The following BOD1L1 variants were observed in gnomAD, a reference collection of about 807,000 sequenced individuals.
The protein encoded by BOD1L1 is biorientation of chromosomes in cell division protein 1-like 1.
BOD1L1 carries 86 observed loss-of-function variants against 240.7 expected under a neutral mutation model. That is an observed-to-expected ratio of 0.36 (90% CI 0.30 to 0.43). The LOEUF is 0.43. BOD1L1 is among the 20% of genes least tolerant of loss of function. BOD1L1 has a pLI of 1.00. For synonymous variants in BOD1L1, 1,268 were observed against 1,272.3 expected, an observed-to-expected ratio of 1.00 and a Z score of 0.07; for missense variants, 3,554 against 3,643.5, an observed-to-expected ratio of 0.98 and a Z score of 0.63.
chr4:13,611,747 T>C (rs1011475423), intron 5 of BOD1L1, among the ~76,000 whole-genome samples: 1 of 152,220 alleles, frequency 6.6e-6, no homozygotes, highest in African/African-American at 2.4e-5. Context: ...ATTTATGCTT[T>C]ACCATTGTTA....
At position 13,591,947 on chromosome 4, in the gene BOD1L1, A is replaced by T; in HGVS notation, c.8124T>A (p.Pro2708=). The change falls in exon 13 of 26, where the codon CCT becomes CCA. Residue 2708 remains proline (P), a synonymous_variant. Coordinates refer to ENST00000040738, the MANE Select transcript of BOD1L1 (RefSeq NM_148894.3). Reference sequence around the variant, plus strand: ...CATTTAGTGATTCATTCACCAACAAAGGCTCCCTCTGGAGTTCAGCTGTTC... The same window carrying T: ...CATTTAGTGATTCATTCACCAACAATGGCTCCCTCTGGAGTTCAGCTGTTC... ...PSGIAELQRE[P]LLVNESLNVE... 1 of 1,565,166 alleles carries T rather than the reference A, an allele frequency of 6.4e-7. No homozygotes were observed. Among genetic ancestry groups the T allele is most frequent in the Admixed American group, 1.9e-5 (1 of 52,002 alleles).
At position 13,586,339 on chromosome 4, in the gene BOD1L1, G is replaced by A. The variant is rs79142665; in HGVS notation, c.8433+57C>T. 1,571 of 1,007,246 alleles carry A rather than the reference G, an allele frequency of 1.6e-3. 15 individuals carry two copies. The African/African-American group carries it at 0.023, about 15-fold the overall frequency. 62.4% of individuals were successfully genotyped at this position (1,007,246 alleles called of 1,614,324 possible). On this transcript the variant is annotated intron_variant, in intron 17 of 25. Transcript: ENST00000040738. ...TATTATACTAAGTATTTACAATGCT[G>A]TAATTAGGCCTCCCTACCCCCACCC...
chr4:13,607,403 A>G (rs1277753853), intron 8 of BOD1L1, among the ~76,000 whole-genome samples: 1 of 152,136 alleles, frequency 6.6e-6, no homozygotes, highest in South Asian at 2.1e-4. Context: ...AGTTCAAGTA[A>G]TTCTCCTGCC....
intron 2 of BOD1L1, among the ~76,000 whole-genome samples, chr4:13,619,676 A>AT (rs930932194): frequency 6.6e-6 from 1 of 152,172 alleles, no homozygotes; most frequent in Admixed American, 6.5e-5. Context: ...TTATATCTAG[A>AT]TTTTTTAGAA....
At chr4:13,619,700 T>C (rs2108995057) in intron 2 of BOD1L1, among the ~76,000 whole-genome samples, 1 of 152,322 alleles carries the variant, frequency 6.6e-6, no homozygotes, top group Non-Finnish European at 1.5e-5. Context: ...CATACTGTTA[T>C]TTCCTTCCTT....
Position 13,601,553 on chromosome 4 carries a change from C to A in BOD1L1, c.5347G>T (p.Asp1783Tyr). ...ASQEGDGSVN[D>Y]GTEGESAVTS... is the part of the protein sequence containing the mutation. ...ACTGCACTCTCACCTTCTGTACCATCATTCACAGAACCATCTCCTTCTTGG... is the reference window on the plus strand; with the variant it reads ...ACTGCACTCTCACCTTCTGTACCATAATTCACAGAACCATCTCCTTCTTGG... Residue 1783 changes from aspartate (D) to tyrosine (Y), a missense_variant, in exon 10 of 26, where the codon GAT (aspartate) becomes TAT (tyrosine). By Grantham distance (160) the Asp-to-Tyr change is radical. Transcript: ENST00000040738. 1 of 1,614,054 alleles carries A rather than the reference C, an allele frequency of 6.2e-7. No individual in the cohort carries two copies. The highest frequency in any genetic ancestry group is 1.6e-4 in the Middle Eastern group (1 of 6,062).
chr4:13,588,857 G>A lies in BOD1L1; in HGVS notation c.8210-65C>T, dbSNP rs1266359809. Reference sequence around the variant, plus strand: ...ATTTTTATATTCCAATACTTACTTAGGTATGTGTTAGGGGGCTGGGAGAAA... The same window carrying A: ...ATTTTTATATTCCAATACTTACTTAAGTATGTGTTAGGGGGCTGGGAGAAA... On this transcript the variant is annotated intron_variant, in intron 14 of 25. Coordinates refer to ENST00000040738, the MANE Select transcript of BOD1L1 (RefSeq NM_148894.3). 4.9e-6 allele frequency: 6 copies of A among 1,231,916 alleles called. No homozygotes were observed. The South Asian group carries it at 7.2e-5, about 15-fold the overall frequency. 76.3% of individuals were successfully genotyped at this position (1,231,916 alleles called of 1,614,324 possible). A position where few individuals can be genotyped will look rare whatever the true frequency, so the allele number is the denominator to read the frequency against.
intron 16 of BOD1L1, among the ~76,000 whole-genome samples, chr4:13,587,299 C>T (rs939432864): frequency 2.0e-5 from 3 of 152,136 alleles, no homozygotes; most frequent in Non-Finnish European, 2.9e-5. Flanking sequence ...TAGAGGGCAC[C>T]GTTACAGACC....
intron 2 of BOD1L1, 99 bp downstream of exon 2, chr4:13,619,844 C>T (rs1242084475): frequency 7.1e-7 from 1 of 1,402,016 alleles, no homozygotes; most frequent in Non-Finnish European, 9.6e-7. Context: ...AAATTGTCAA[C>T]ATCATTAGGT....
intron 21 of BOD1L1, 80 bp downstream of exon 21, chr4:13,580,940 C>A: frequency 1.5e-6 from 2 of 1,323,562 alleles, no homozygotes; most frequent in South Asian, 1.4e-5. Flanking sequence ...AAATAAAGTT[C>A]AAAATACTAG....
In BOD1L1 at chr4:13,611,096, T is replaced by C; in HGVS notation, c.1329A>G (p.Glu443=). The C allele has an allele frequency of 6.3e-7, 1 of 1,595,718 alleles. No individual in the cohort carries two copies. Among genetic ancestry groups the C allele is most frequent in the Non-Finnish European group, 8.6e-7 (1 of 1,167,736 alleles). The change falls in exon 6 of 26, where the codon GAA becomes GAG. Residue 443 remains glutamate (E), a synonymous_variant. Transcript: ENST00000040738. ...MEEGEITSDD[E]EKNKQNKTKT... is the part of the protein sequence containing the mutation. ...TTGTTTTATTCTGTTTGTTCTTCTC[T>C]TCATCTGTAAGAAAGTTAATAGAAA...
intron 8 of BOD1L1, among the ~76,000 whole-genome samples, chr4:13,608,313 A>G (rs1715876189): frequency 6.6e-6 from 1 of 152,206 alleles, no homozygotes; most frequent in Non-Finnish European, 1.5e-5. Context: ...CCAAATTATC[A>G]AAAAGATCTG....
rs779493153 is a variant in BOD1L1, at chr4:13,604,173, C to T, written c.2727G>A (p.Val909=). 23 of 1,612,890 alleles carry T rather than the reference C, an allele frequency of 1.4e-5. No homozygotes were observed. The highest frequency in any genetic ancestry group is 1.9e-5 in the Non-Finnish European group (22 of 1,179,712). ...CTTGAGTTTTTGATTTAGACTTCAA[C>T]ACAAGTTTCTCTTCTAACAAGCTCT... ...RTKSLLEEKL[V]LKSKSKTQGK... Residue 909 remains valine (V), a synonymous_variant, in exon 10 of 26, where the codon GTG becomes GTA. Coordinates refer to ENST00000040738, the MANE Select transcript of BOD1L1 (RefSeq NM_148894.3).
At position 13,601,888 on chromosome 4, in the gene BOD1L1, G is replaced by A. The variant is rs1173049329; in HGVS notation, c.5012C>T (p.Ser1671Leu). ...AGTAATAGTTCCTTCAACTATTTCT[G>A]AGTCTCTACTTAAAGAACCATCACA... ...EKCDGSLSRD[S>L]EIVEGTITFI... is the part of the protein sequence containing the mutation. Residue 1671 changes from serine to leucine, a missense_variant, in exon 10 of 26, where the codon TCA becomes TTA. Around this residue, in one of 2 missense-constraint regions of BOD1L1, gnomAD observed 3,393 missense variants for 3,427.1 expected, o/e 0.99. Coordinates refer to ENST00000040738, the MANE Select transcript of BOD1L1 (RefSeq NM_148894.3). The A allele has an allele frequency of 1.9e-6, 3 of 1,613,902 alleles. No homozygotes were observed. Among genetic ancestry groups the A allele is most frequent in the East Asian group, 2.2e-5 (1 of 44,874 alleles).
At position 13,604,898 on chromosome 4, in the gene BOD1L1, G is replaced by T. The variant is rs370551969; in HGVS notation, c.2002C>A (p.Gln668Lys). ...ACATCTCTTGTGTCAGTCTCTTCCT[G>T]TACCCCCTCCATGATAACAGGGGTA... is the stretch of plus-strand genomic sequence containing the variant. ...TSTPVIMEGV[Q>K]EETDTRDVKR... is the part of the protein sequence containing the mutation. Residue 668 changes from glutamine to lysine, a missense_variant, in exon 10 of 26, where the codon CAG becomes AAG. Physicochemically the swap from Gln to Lys is moderately conservative, Grantham distance 53. Around this residue, in one of 2 missense-constraint regions of BOD1L1, gnomAD observed 3,393 missense variants for 3,427.1 expected, o/e 0.99. Coordinates refer to ENST00000040738, the MANE Select transcript of BOD1L1 (RefSeq NM_148894.3). The T allele has an allele frequency of 1.1e-5, 17 of 1,613,118 alleles. No homozygotes were observed. Among genetic ancestry groups the T allele is most frequent in the Non-Finnish European group, 1.4e-5 (16 of 1,179,688 alleles).
In BOD1L1 at chr4:13,570,013, A is replaced by T; in HGVS notation, c.9154T>A (p.Ter3052LysextTer2). 1 of 1,597,552 alleles carries T rather than the reference A, an allele frequency of 6.3e-7. No individual in the cohort carries two copies. The highest frequency in any genetic ancestry group is 8.5e-7 in the Non-Finnish European group (1 of 1,173,338). ...EEAPVKKAKR[*>K] ...GCCTAGGGCAGCAGTGGTCAGGATTATCGCTTCGCTTTTTTCACAGGGGCT... is the reference window on the plus strand; with the variant it reads ...GCCTAGGGCAGCAGTGGTCAGGATTTTCGCTTCGCTTTTTTCACAGGGGCT... Residue 3052 changes from the stop codon to lysine, a stop_lost, in exon 26 of 26, where the codon TAA becomes AAA. Transcript: ENST00000040738.
In BOD1L1 at chr4:13,587,744, T is replaced by C; in HGVS notation, c.8308A>G (p.Lys2770Glu). The change falls in exon 16 of 26, where the codon AAA becomes GAA. Residue 2770 changes from lysine to glutamate, a missense_variant. Physicochemically the swap from Lys to Glu is moderately conservative, Grantham distance 56. Coordinates refer to ENST00000040738, the MANE Select transcript of BOD1L1 (RefSeq NM_148894.3). ...EVEEEERHMP[K>E]RKRKQHYLSS... ...AGATAATGCTGCTTTCTTTTTCTTT[T>C]AGGCATATGCCTTTCTTCCTCTTCA... is the stretch of plus-strand genomic sequence containing the variant. 1 of 1,559,332 alleles carries C rather than the reference T, an allele frequency of 6.4e-7. No individual in the cohort carries two copies. The highest frequency in any genetic ancestry group is 1.2e-5 in the South Asian group (1 of 84,746).
chr4:13,627,479 C>G lies in BOD1L1; in HGVS notation c.109G>C (p.Gly37Arg). ...PPPPGPGAGP[G>R]AGGAGGAGAG... ...CCCGCGCCGCCCGCCCCGCCCGCGC[C>G]GGGGCCAGCCCCGGGGCCCGGCGGC... Residue 37 changes from glycine (G) to arginine (R), a missense_variant, in exon 1 of 26, where the codon GGC becomes CGC. Transcript: ENST00000040738. 9.8e-7 allele frequency: 1 copy of G among 1,024,574 alleles called. No homozygotes were observed. The highest frequency in any genetic ancestry group is 1.2e-6 in the Non-Finnish European group (1 of 859,978). 63.5% of individuals were successfully genotyped at this position (1,024,574 alleles called of 1,614,324 possible). A position where few individuals can be genotyped will look rare whatever the true frequency, so the allele number is the denominator to read the frequency against.
intron 16 of BOD1L1, among the ~76,000 whole-genome samples, chr4:13,587,101 A>T (rs1210537612): frequency 1.3e-5 from 2 of 152,218 alleles, no homozygotes; most frequent in Admixed American, 6.5e-5. Flanking sequence ...ATTAAAGGTC[A>T]CTGCACTGTT....
Sources: allele counts gnomAD v4.1 joint callset (sites outside exome capture counted in the v4.1 genomes callset), GRCh38; gene constraint gnomAD v4.1.1; regional missense constraint gnomAD v4.1.1; transcripts MANE v1.5; gene names NCBI Gene and HGNC (gene_info 2026-07-23, HGNC 2026-07-21).